Variants in PRKCZ observed in about 807,000 individuals in gnomAD.
The protein encoded by PRKCZ is protein kinase C zeta, also known as protein kinase C zeta type.
A neutral mutation model predicts 79.5 loss-of-function variants in PRKCZ; 33 were observed. The ratio of observed to expected loss-of-function variants is 0.41; its 90% CI spans 0.31 to 0.55. The LOEUF is 0.55. Ranked by LOEUF, PRKCZ falls within the 20% of genes least tolerant of loss-of-function variation. The probability of loss-of-function intolerance (pLI) is 0.19; values close to 1 mark genes in which losing one functional copy is unlikely to be tolerated. For synonymous variants in PRKCZ, 342 were observed against 320.9 expected (o/e 1.07, Z -0.70); for missense variants, 578 against 813.5 (o/e 0.71, Z 3.52).
At chr1:2,148,793 A>G in intron 7 of PRKCZ, 79 bp from the exon 8 acceptor site, 3 of 1,430,864 alleles carry the variant, frequency 2.1e-6, no homozygotes, top group Non-Finnish European at 9.8e-7. Flanking sequence ...GCAGAGGAGC[A>G]AGGTCCACAG....
intron 4 of PRKCZ, among the ~76,000 whole-genome samples, chr1:2,091,552 G>A (rs527650303): frequency 6.6e-6 from 1 of 152,046 alleles, no homozygotes; most frequent in South Asian, 2.1e-4. Context: ...GTTCCTGGCC[G>A]TCCTCTTGGG....
intron 4 of PRKCZ, among the ~76,000 whole-genome samples, chr1:2,116,963 C>CG (rs1191363346): frequency 2.0e-5 from 3 of 151,858 alleles, no homozygotes; most frequent in East Asian, 1.9e-4. Flanking sequence ...AGGGGAGTTG[C>CG]GGGGGGCAGA....
At chr1:2,055,652 T>C (rs1557470697) in intron 2 of PRKCZ, 90 bp downstream of exon 2, 9 of 1,499,718 alleles carry the variant, frequency 6.0e-6, no homozygotes, top group South Asian at 2.7e-5. Context: ...CAGCCAATTC[T>C]GTGGGGAGAC....
chr1:2,130,023 C>T (rs1213930956), intron 4 of PRKCZ, among the ~76,000 whole-genome samples: 1 of 152,186 alleles, frequency 6.6e-6, no homozygotes, highest in Non-Finnish European at 1.5e-5. Flanking sequence ...CCACCTCAGC[C>T]TCCCGAGTAG....
intron 4 of PRKCZ, among the ~76,000 whole-genome samples, chr1:2,083,396 C>T (rs2102409755): frequency 6.6e-6 from 1 of 152,206 alleles, no homozygotes; most frequent in South Asian, 2.1e-4. Context: ...GCTGTAGCTG[C>T]CAGTGTGAAC....
chr1:2,063,271 G>T lies in PRKCZ; in HGVS notation c.334+3680G>T, dbSNP rs117486254. 0.011 allele frequency among the ~76,000 whole-genome samples: 1,655 copies of T among 152,330 alleles called. 141 individuals are homozygous for T. The East Asian group carries it at 0.21, about 19-fold the overall frequency. On this transcript the variant is annotated intron_variant, in intron 4 of 17. Transcript: ENST00000378567. ...GGAGACCCTGCCTTCAGTTCTGGGT[G>T]TAGACCCGGAAGTGAGATTGCTGGA... is the stretch of plus-strand genomic sequence containing the variant.
At chr1:2,055,294 TGGGAGG>T in intron 1 of PRKCZ, 141 bp from the exon 2 acceptor site, 1 of 858,418 alleles carries the variant, frequency 1.2e-6, no homozygotes, top group East Asian at 3.1e-5. Flanking sequence ...ATTTTGTGTG[TGGGAGG>T]GGGGAGGGGG....
intron 4 of PRKCZ, among the ~76,000 whole-genome samples, chr1:2,096,630 C>T (rs1045856827): frequency 6.6e-6 from 1 of 152,168 alleles, no homozygotes; most frequent in Non-Finnish European, 1.5e-5. Context: ...ACGGTGGCAG[C>T]TCCTGTGGTC....
At chr1:2,135,053 C>CA in intron 4 of PRKCZ, 1 of 477,146 alleles carries the variant, frequency 2.1e-6, no homozygotes, top group Non-Finnish European at 3.8e-6. Context: ...GCCTCTGTCT[C>CA]CAGCCGCCGA....
chr1:2,061,890 C>T (rs1008508728), intron 4 of PRKCZ, among the ~76,000 whole-genome samples: 35 of 152,174 alleles, frequency 2.3e-4, no homozygotes, highest in Non-Finnish European at 4.4e-4. Flanking sequence ...CAGTGGCCGC[C>T]GCCTGGGGCT....
At chr1:2,166,200 C>T (rs1417642566) in intron 10 of PRKCZ, among the ~76,000 whole-genome samples, 1 of 152,212 alleles carries the variant, frequency 6.6e-6, no homozygotes. Context: ...CGGAGGATCA[C>T]TTGAGGCCAG....
rs1309513192 is a variant in PRKCZ at position 2,172,463 on chromosome 1, G to A, written c.1285+75G>A. The A allele has an allele frequency of 3.4e-6, 5 of 1,463,660 alleles. No individual in the cohort carries two copies. In the African/African-American group the frequency reaches 5.7e-5, roughly 17 times the overall value. 90.7% of individuals were successfully genotyped at this position (1,463,660 alleles called of 1,614,324 possible). The stretch of plus-strand genomic sequence containing the variant: ...GCTTCGGGCCTGGCCCAGCAGCCAG[G>A]GAGAGGTGTCCTTGACCATCTTACA... On this transcript the variant is annotated intron_variant, in intron 13 of 17. Coordinates refer to ENST00000378567, the MANE Select transcript of PRKCZ (RefSeq NM_002744.6). The surrounding 1 kb of genome is among the most constrained non-coding windows in gnomAD (Gnocchi z 7.8).
chr1:2,173,174 CAT>C lies in PRKCZ; in HGVS notation c.1286-722_1286-721del. 6.6e-6 allele frequency among the ~76,000 whole-genome samples: 1 copy of C among 152,120 alleles called. No individual in the cohort carries two copies. The highest frequency in any genetic ancestry group is 1.9e-4 in the East Asian group (1 of 5,184). On this transcript the variant is annotated intron_variant, in intron 13 of 17. Transcript: ENST00000378567. The surrounding 1 kb of genome is among the most constrained non-coding windows in gnomAD (Gnocchi z 5.7). Reference sequence around the variant, plus strand: ...AGACATTTTTACACATTTTTTTTGCCATCAGAATGGGTGTGGGGCAGGCAGGG... The same window carrying C: ...AGACATTTTTACACATTTTTTTTGCCCAGAATGGGTGTGGGGCAGGCAGGG...
At chr1:2,150,722 A>G in intron 8 of PRKCZ, 68 bp from the exon 9 acceptor site, 1 of 1,476,858 alleles carries the variant, frequency 6.8e-7, no homozygotes, top group Non-Finnish European at 9.3e-7. Flanking sequence ...CGCATGAGTG[A>G]TGCGTGGTCC....
chr1:2,172,491 C>T lies in PRKCZ; in HGVS notation c.1285+103C>T. 8.1e-7 allele frequency: 1 copy of T among 1,230,780 alleles called. No individual in the cohort carries two copies. The highest frequency in any genetic ancestry group is 1.1e-6 in the Non-Finnish European group (1 of 897,346). 76.2% of individuals were successfully genotyped at this position (1,230,780 alleles called of 1,614,324 possible). On this transcript the variant is annotated intron_variant, in intron 13 of 17. Coordinates refer to ENST00000378567, the MANE Select transcript of PRKCZ (RefSeq NM_002744.6). This position sits in a 1 kb window ranked among gnomAD's most constrained non-coding sequence, Gnocchi z 7.8. Reference sequence around the variant, plus strand: ...GAGGTGTCCTTGACCATCTTACACCCAAAAGCCACACACTGTCTTTCCCAG... The same window carrying T: ...GAGGTGTCCTTGACCATCTTACACCTAAAAGCCACACACTGTCTTTCCCAG...
intron 4 of PRKCZ, among the ~76,000 whole-genome samples, chr1:2,121,124 C>A (rs1267701811): frequency 6.6e-6 from 1 of 152,188 alleles, no homozygotes; most frequent in African/African-American, 2.4e-5. Flanking sequence ...TCGTAGTTCT[C>A]TCTTCTGGGG....
intron 4 of PRKCZ, among the ~76,000 whole-genome samples, chr1:2,060,028 C>T (rs895444160): frequency 2.0e-5 from 3 of 152,190 alleles, no homozygotes; most frequent in Non-Finnish European, 4.4e-5. Context: ...GAGAGTGAGT[C>T]CCGGGGGCTG....
At position 2,185,083 on chromosome 1, in the gene PRKCZ, C is replaced by A; in HGVS notation, c.*74C>A. On this transcript the variant is annotated 3_prime_UTR_variant, in exon 18 of 18. Coordinates refer to ENST00000378567, the MANE Select transcript of PRKCZ (RefSeq NM_002744.6). Reference sequence around the variant, plus strand: ...TATCCTTAACCACCGCATATGCATGCCAGGCTGGGCACGGCTCCGAGGGCG... The same window carrying A: ...TATCCTTAACCACCGCATATGCATGACAGGCTGGGCACGGCTCCGAGGGCG... The A allele has an allele frequency of 7.2e-7, 1 of 1,395,746 alleles. No individual in the cohort carries two copies. Among genetic ancestry groups the A allele is most frequent in the South Asian group, 1.2e-5 (1 of 81,046 alleles). 86.5% of individuals were successfully genotyped at this position (1,395,746 alleles called of 1,614,324 possible).
At chr1:2,058,306 A>ATTTTTTTTT (rs35722361) in intron 3 of PRKCZ, among the ~76,000 whole-genome samples, 1 of 125,350 alleles carries the variant, frequency 8.0e-6, no homozygotes. Flanking sequence ...CCCGGCCCCA[A>ATTTTTTTTT]TTTTTTTTTT....
Sources: gnomAD v4.1 joint callset for allele counts (sites outside exome capture counted in the v4.1 genomes callset) on GRCh38, gnomAD v4.1.1 for gene constraint, Gnocchi (gnomAD v3.1) non-coding constraint, MANE v1.5 for transcripts, NCBI Gene and HGNC (gene_info 2026-07-23, HGNC 2026-07-21) for gene names.